SEMA6A: variants seen among roughly 807,000 people sequenced by gnomAD.
SEMA6A encodes the protein semaphorin-6A.
A neutral mutation model predicts 96.8 loss-of-function variants in SEMA6A; 25 were observed. The ratio of observed to expected loss-of-function variants is 0.26; its 90% CI spans 0.19 to 0.36. SEMA6A has a LOEUF of 0.36. Among genes scored for constraint, SEMA6A ranks in the 10% least tolerant of loss-of-function variants. SEMA6A has a pLI of 1.00. For synonymous variants in SEMA6A, 612 were observed against 518.0 expected, an observed-to-expected ratio of 1.18 and a Z score of -2.46; for missense variants, 1,363 against 1,323.1, an observed-to-expected ratio of 1.03 and a Z score of -0.47.
In SEMA6A at chr5:116,453,683, G is replaced by T. The variant is rs535277887; in HGVS notation, c.1895-5872C>A. 1.5e-4 allele frequency among the ~76,000 whole-genome samples: 23 copies of T among 152,282 alleles called. 1 individual carries two copies. In the South Asian group the frequency reaches 4.6e-3, roughly 30 times the overall value. ...GCCTGAGAAAGCTAACTTTCGGCTT[G>T]CTCTGTTCCACATTGAATCCATTAT... On this transcript the variant is annotated intron_variant, in intron 18 of 18. Coordinates refer to ENST00000343348, the MANE Select transcript of SEMA6A (RefSeq NM_020796.5).
intron 1 of SEMA6A, among the ~76,000 whole-genome samples, chr5:116,524,934 G>C (rs1304261830): frequency 1.3e-5 from 2 of 152,154 alleles, no homozygotes; most frequent in African/African-American, 4.8e-5. Context: ...TAAAGATCTA[G>C]ACAATGGCAT....
At chr5:116,504,789 G>T in intron 2 of SEMA6A, 56 bp downstream of exon 2, 3 of 1,348,816 alleles carry the variant, frequency 2.2e-6, no homozygotes, top group South Asian at 2.5e-5. Context: ...TTGCTAGGCT[G>T]ATTCAGGCTA....
chr5:116,461,723 CTGTGGTG>C (rs781568351), intron 18 of SEMA6A, among the ~76,000 whole-genome samples: 2 of 152,078 alleles, frequency 1.3e-5, no homozygotes, highest in African/African-American at 2.4e-5. Flanking sequence ...TTTTTAAAGT[CTGTGGTG>C]TGTGGTTTTG....
At chr5:116,482,621 T>C (rs1336982211) in intron 10 of SEMA6A, 46 bp from the exon 11 acceptor site, 3 of 1,606,074 alleles carry the variant, frequency 1.9e-6, no homozygotes, top group South Asian at 2.2e-5. Flanking sequence ...GCAATGGTTA[T>C]GCATGTGGTT....
chr5:116,544,657 A>T (rs1290493844), intron 1 of SEMA6A, among the ~76,000 whole-genome samples: 5 of 152,106 alleles, frequency 3.3e-5, no homozygotes, highest in African/African-American at 1.2e-4. Context: ...GATTACTGTG[A>T]TATCACCATT....
intron 16 of SEMA6A, among the ~76,000 whole-genome samples, chr5:116,474,303 C>CAT (rs1554083482): frequency 1.3e-5 from 2 of 151,716 alleles, no homozygotes; most frequent in African/African-American, 4.8e-5. Flanking sequence ...CACACACACA[C>CAT]ACACACATCT....
At position 116,482,634 on chromosome 5, in the gene SEMA6A, G is replaced by A. The variant is rs1386186389; in HGVS notation, c.963-59C>T. ...ATGCAATGGTTATGCATGTGGTTTG[G>A]AACATACTCCAGAGAAACTTTCCTG... On this transcript the variant is annotated intron_variant, in intron 10 of 18. Transcript: ENST00000343348. The A allele has an allele frequency of 5.7e-6, 9 of 1,578,852 alleles. No individual in the cohort carries two copies. The East Asian group carries it at 9.0e-5, about 16-fold the overall frequency.
intron 12 of SEMA6A, among the ~76,000 whole-genome samples, 177 bp downstream of exon 12, chr5:116,479,945 G>T (rs911203690): frequency 6.6e-6 from 1 of 152,174 alleles, no homozygotes; most frequent in African/African-American, 2.4e-5. Context: ...TTCTCCCTGG[G>T]AATGTGTGTA....
intron 15 of SEMA6A, among the ~76,000 whole-genome samples, chr5:116,476,278 C>G (rs1756442051): frequency 6.6e-6 from 1 of 152,124 alleles, no homozygotes; most frequent in Non-Finnish European, 1.5e-5. Flanking sequence ...TTAATAAAAG[C>G]TATTTTGATT....
At chr5:116,521,242 G>C (rs568882808) in intron 1 of SEMA6A, among the ~76,000 whole-genome samples, 2 of 152,312 alleles carry the variant, frequency 1.3e-5, no homozygotes, top group South Asian at 4.1e-4. Context: ...TGGTTGTGTG[G>C]CCTTCCTGGG....
chr5:116,554,215 A>G (rs952547818), intron 1 of SEMA6A, among the ~76,000 whole-genome samples: 8 of 152,238 alleles, frequency 5.3e-5, no homozygotes, highest in Admixed American at 3.3e-4. Context: ...AGTATTAATA[A>G]TAAGCCAGGA....
chr5:116,555,711 G>A (rs1428123492), intron 1 of SEMA6A, among the ~76,000 whole-genome samples: 1 of 151,570 alleles, frequency 6.6e-6, no homozygotes, highest in African/African-American at 2.4e-5. Context: ...GGCTCGGTGT[G>A]CACCTGTAAT....
At chr5:116,549,689 A>G (rs1278650338) in intron 1 of SEMA6A, among the ~76,000 whole-genome samples, 4 of 152,216 alleles carry the variant, frequency 2.6e-5, no homozygotes, top group African/African-American at 9.6e-5. Context: ...AATGTGCCAT[A>G]TCAGTACTTT....
chr5:116,487,232 T>C, intron 9 of SEMA6A: 1 of 379,562 alleles, frequency 2.6e-6, no homozygotes, highest in Non-Finnish European at 4.9e-6. Context: ...ATAAAGTCAT[T>C]TCCATACAGA....
chr5:116,458,137 A>G (rs938835599), intron 18 of SEMA6A, among the ~76,000 whole-genome samples: 1 of 152,194 alleles, frequency 6.6e-6, no homozygotes, highest in Non-Finnish European at 1.5e-5. Context: ...TCAGAAAGAA[A>G]GGTCTGAGAC....
chr5:116,526,140 C>CT (rs1360901920), intron 1 of SEMA6A, among the ~76,000 whole-genome samples: 9 of 151,110 alleles, frequency 6.0e-5, no homozygotes. Flanking sequence ...TTCCCCCCTT[C>CT]TTTTTTATCC....
intron 18 of SEMA6A, among the ~76,000 whole-genome samples, chr5:116,466,173 C>T (rs1017483114): frequency 1.3e-5 from 2 of 150,780 alleles, no homozygotes; most frequent in Non-Finnish European, 1.5e-5. Flanking sequence ...GAGTTCAAGA[C>T]CAGCCTGGCC....
chr5:116,478,772 T>A, intron 12 of SEMA6A, 54 bp from the exon 13 acceptor site: 3 of 1,545,728 alleles, frequency 1.9e-6, no homozygotes, highest in Non-Finnish European at 2.6e-6. Flanking sequence ...CATTAAAGTG[T>A]TCCCTGTTCC....
intron 1 of SEMA6A, among the ~76,000 whole-genome samples, chr5:116,526,797 C>G (rs1339388972): frequency 1.3e-5 from 2 of 152,046 alleles, no homozygotes; most frequent in African/African-American, 4.8e-5. Flanking sequence ...CAGACTGACA[C>G]CCAGCATTTG....
Sources: gnomAD v4.1 joint callset for allele counts (sites outside exome capture counted in the v4.1 genomes callset) on GRCh38, gnomAD v4.1.1 for gene constraint, MANE v1.5 for transcripts, NCBI Gene and HGNC (gene_info 2026-07-23, HGNC 2026-07-21) for gene names.